The following THSD4 variants were observed in gnomAD, a reference collection of about 807,000 sequenced individuals.
The protein encoded by THSD4 is thrombospondin type-1 domain-containing protein 4.
Under a neutral mutation model 119.0 loss-of-function variants are expected in THSD4, and 69 were observed. The observed-to-expected ratio is 0.58, with a 90% CI of 0.48 to 0.71. The LOEUF (loss-of-function observed/expected upper bound fraction) is 0.71. Ranked by LOEUF, THSD4 falls within the 30% of genes least tolerant of loss-of-function variation. The pLI is 0.00. For synonymous variants in THSD4, 524 were observed against 540.4 expected, an observed-to-expected ratio of 0.97 and a Z score of 0.42; for missense variants, 1,393 against 1,391.1, an observed-to-expected ratio of 1.00 and a Z score of -0.02.
At chr15:71,350,213 A>G (rs1364595992) in intron 6 of THSD4, among the ~76,000 whole-genome samples, 1 of 152,094 alleles carries the variant, frequency 6.6e-6, no homozygotes, top group African/African-American at 2.4e-5. Context: ...AACTTCATTA[A>G]GTTGAACTCA....
At chr15:71,613,228 G>A (rs748818633) in intron 7 of THSD4, among the ~76,000 whole-genome samples, 15 of 152,280 alleles carry the variant, frequency 9.9e-5, no homozygotes, top group East Asian at 5.8e-4. Context: ...AAGAAATGCC[G>A]TGTATTATGT....
intron 6 of THSD4, among the ~76,000 whole-genome samples, chr15:71,350,141 TAAAAA>T (rs3086680): frequency 9.0e-6 from 1 of 111,174 alleles, no homozygotes; most frequent in Non-Finnish European, 1.9e-5. Context: ...TGCAAATTAC[TAAAAA>T]AAAAAAAAAA....
chr15:71,575,903 G>T (rs1395382518), intron 7 of THSD4, among the ~76,000 whole-genome samples: 2 of 152,194 alleles, frequency 1.3e-5, no homozygotes, highest in African/African-American at 4.8e-5. Flanking sequence ...TAGGTCAGAG[G>T]TTCCTAAATC....
At chr15:71,470,346 A>G (rs1401302027) in intron 7 of THSD4, among the ~76,000 whole-genome samples, 1 of 152,218 alleles carries the variant, frequency 6.6e-6, no homozygotes, top group Non-Finnish European at 1.5e-5. Flanking sequence ...TTTCTTTCCT[A>G]GAGGTTGACT....
At chr15:71,690,834 T>G (rs7165201) in intron 8 of THSD4, among the ~76,000 whole-genome samples, 1 of 151,954 alleles carries the variant, frequency 6.6e-6, no homozygotes, top group Non-Finnish European at 1.5e-5. Context: ...GGCAAAGACC[T>G]GCCCCCATGA....
intron 6 of THSD4, among the ~76,000 whole-genome samples, chr15:71,306,819 A>G (rs943732122): frequency 1.3e-5 from 2 of 152,190 alleles, no homozygotes; most frequent in African/African-American, 2.4e-5. Context: ...TGCCAAACAT[A>G]TTATAGACCC....
chr15:71,538,388 C>T (rs1347625061), intron 7 of THSD4, among the ~76,000 whole-genome samples: 1 of 152,190 alleles, frequency 6.6e-6, no homozygotes, highest in Non-Finnish European at 1.5e-5. Flanking sequence ...ATTGATTGCA[C>T]ACGAAATCCC....
intron 7 of THSD4, among the ~76,000 whole-genome samples, chr15:71,413,055 AGGCTGGAGTGCAGT>A (rs1194931863): frequency 6.6e-6 from 1 of 152,170 alleles, no homozygotes; most frequent in Non-Finnish European, 1.5e-5. Context: ...CTTGTTGCCC[AGGCTGGAGTGCAGT>A]GGCACAATCT....
intron 8 of THSD4, among the ~76,000 whole-genome samples, chr15:71,670,741 C>T (rs540390372): frequency 3.0e-4 from 45 of 151,684 alleles, no homozygotes; most frequent in East Asian, 1.8e-3. Context: ...TGAGAACATG[C>T]GGTGTTTGGT....
At chr15:71,554,095 G>GTTTTTTT (rs58075201) in intron 7 of THSD4, among the ~76,000 whole-genome samples, 1 of 137,570 alleles carries the variant, frequency 7.3e-6, no homozygotes, top group Non-Finnish European at 1.5e-5. Context: ...GTTTGGTTTG[G>GTTTTTTT]TTTTTTTTTT....
intron 6 of THSD4, among the ~76,000 whole-genome samples, chr15:71,375,711 G>A (rs2046126366): frequency 3.3e-5 from 5 of 152,126 alleles, no homozygotes; most frequent in Admixed American, 3.3e-4. Context: ...ATCTAGTGCA[G>A]TGGTTCTCAA....
chr15:71,587,879 T>C (rs2049712425), intron 7 of THSD4, among the ~76,000 whole-genome samples: 1 of 148,618 alleles, frequency 6.7e-6, no homozygotes, highest in Admixed American at 6.7e-5. Context: ...GATAGAGAGG[T>C]TAAAACATTA....
chr15:71,529,081 T>C (rs1277944063), intron 7 of THSD4, among the ~76,000 whole-genome samples: 1 of 152,152 alleles, frequency 6.6e-6, no homozygotes, highest in East Asian at 1.9e-4. Flanking sequence ...GATTCTCCAC[T>C]TTTTCCCCTC....
chr15:71,342,880 T>C (rs1013720271), intron 6 of THSD4: 2 of 152,244 alleles, frequency 1.3e-5, no homozygotes, highest in African/African-American at 4.8e-5. Flanking sequence ...CTTCAGAAGG[T>C]CTTTGAGTTC....
In THSD4 at chr15:71,420,112, C is replaced by CT. The variant is rs1317877634; in HGVS notation, c.1152+8297dup. The stretch of plus-strand genomic sequence containing the variant: ...GCTGTTAATGTATTGGCATCTGTCT[C>CT]TTTTTTTTAGTTTTAGTACTATTTG... On this transcript the variant is annotated intron_variant, in intron 7 of 17. Transcript: ENST00000261862. 2.8e-5 allele frequency among the ~76,000 whole-genome samples: 3 copies of CT among 107,500 alleles called. 1 individual carries two copies. Among genetic ancestry groups the CT allele is most frequent in the Non-Finnish European group, 6.1e-5 (3 of 48,880 alleles). 70.5% of individuals were successfully genotyped at this position (107,500 alleles called of 152,430 possible). A position where few individuals can be genotyped will look rare whatever the true frequency, so the allele number is the denominator to read the frequency against.
At chr15:71,206,089 G>T (rs908275957) in intron 3 of THSD4, among the ~76,000 whole-genome samples, 1 of 152,054 alleles carries the variant, frequency 6.6e-6, no homozygotes, top group African/African-American at 2.4e-5. Context: ...GTTTCAAGTC[G>T]AAAGTCTCCT....
intron 5 of THSD4, among the ~76,000 whole-genome samples, chr15:71,244,606 T>C (rs11072263): frequency 0.46 from 69,481 of 152,032 alleles, 16,638 homozygotes; most frequent in East Asian, 0.69. Context: ...TAAGTCTTCA[T>C]TGAGCATCAT....
intron 6 of THSD4, among the ~76,000 whole-genome samples, chr15:71,409,757 C>T (rs1251327973): frequency 6.6e-6 from 1 of 152,078 alleles, no homozygotes; most frequent in Non-Finnish European, 1.5e-5. Context: ...GGCAGCCACA[C>T]TGGGGAAATA....
At chr15:71,099,411 G>T (rs1449084942) in intron 1 of THSD4, among the ~76,000 whole-genome samples, 1 of 152,096 alleles carries the variant, frequency 6.6e-6, no homozygotes, top group Non-Finnish European at 1.5e-5. Context: ...TCTCCATTCA[G>T]TTCTATCAGT....
Sources: allele counts gnomAD v4.1 joint callset (sites outside exome capture counted in the v4.1 genomes callset), GRCh38; gene constraint gnomAD v4.1.1; transcripts MANE v1.5; gene names NCBI Gene and HGNC (gene_info 2026-07-23, HGNC 2026-07-21).